The following NEK1 variants were observed in gnomAD, a reference collection of about 807,000 sequenced individuals.
NEK1 encodes NIMA related kinase 1.
A neutral mutation model predicts 182.1 loss-of-function variants in NEK1; 137 were observed. That is an observed-to-expected ratio of 0.75 (90% CI 0.65 to 0.87). The LOEUF is 0.87. NEK1 is among the 40% of genes least tolerant of loss of function. The pLI, the probability that NEK1 is intolerant of heterozygous loss-of-function variation, is 0.00. For missense variants in NEK1, 1,391 were observed against 1,494.4 expected (o/e 0.93, Z 1.14); for synonymous variants, 513 against 492.2 (o/e 1.04, Z -0.56).
intron 31 of NEK1, among the ~76,000 whole-genome samples, chr4:169,420,462 G>A (rs1735299187): frequency 6.6e-6 from 1 of 152,216 alleles, no homozygotes; most frequent in Non-Finnish European, 1.5e-5. Context: ...TATAGGACTA[G>A]CAGTGTGGTA....
intron 18 of NEK1, among the ~76,000 whole-genome samples, chr4:169,550,555 A>C (rs570522310): frequency 6.6e-6 from 1 of 152,294 alleles, no homozygotes; most frequent in South Asian, 2.1e-4. Flanking sequence ...CAAAAATAAT[A>C]ATTCCTGCCT....
chr4:169,583,619 G>A (rs1482565899), intron 10 of NEK1, among the ~76,000 whole-genome samples: 1 of 152,072 alleles, frequency 6.6e-6, no homozygotes, highest in Non-Finnish European at 1.5e-5. Flanking sequence ...CTTCAGCCTT[G>A]AGACAGTATG....
At chr4:169,609,688 A>C (rs966282615) in intron 2 of NEK1, among the ~76,000 whole-genome samples, 3 of 152,202 alleles carry the variant, frequency 2.0e-5, no homozygotes, top group African/African-American at 7.2e-5. Context: ...AACTAGTAAT[A>C]CTGCCTACAA....
chr4:169,528,364 T>C (rs1286541942), intron 19 of NEK1, among the ~76,000 whole-genome samples: 1 of 152,196 alleles, frequency 6.6e-6, no homozygotes, highest in African/African-American at 2.4e-5. Context: ...CCCTAGGAAC[T>C]GAGAGAGACC....
At position 169,479,522 on chromosome 4, in the gene NEK1, C is replaced by T; in HGVS notation, c.2020G>A (p.Gly674Arg). 6.3e-7 allele frequency: 1 copy of T among 1,598,114 alleles called. No individual in the cohort carries two copies. Among genetic ancestry groups the T allele is most frequent in the Non-Finnish European group, 8.5e-7 (1 of 1,175,324 alleles). ...KVWEEHLVAK[G>R]VKSSDVSPPL... ...GGAGAAACATCAGAACTCTTAACTCCTTTAGCCACCAACTATAAAAAAGGA... is the reference window on the plus strand; with the variant it reads ...GGAGAAACATCAGAACTCTTAACTCTTTTAGCCACCAACTATAAAAAAGGA... The change falls in exon 24 of 36, where the codon GGA (glycine) becomes AGA (arginine). Residue 674 changes from glycine to arginine, a missense_variant. Physicochemically the swap from Gly to Arg is moderately radical, Grantham distance 125. This residue lies in a region of NEK1 where 1,216 missense variants were observed against 1,277.6 expected (regional missense o/e 0.95). Coordinates refer to ENST00000507142, the MANE Select transcript of NEK1 (RefSeq NM_001199397.3).
At position 169,424,653 on chromosome 4, in the gene NEK1, A is replaced by G; in HGVS notation, c.3122T>C (p.Phe1041Ser). The part of the protein sequence containing the change: ...QSVQCSPEES[F>S]AFRSHSHLPP... ...TAAATGCGAGTGAGATCGAAATGCA[A>G]AGGATTCTTCTGGTGAACACTGAAC... The change falls in exon 31 of 36, where the codon TTT becomes TCT. Residue 1041 changes from phenylalanine (F) to serine (S), a missense_variant. Transcript: ENST00000507142. 6.2e-7 allele frequency: 1 copy of G among 1,613,776 alleles called. No homozygotes were observed. The highest frequency in any genetic ancestry group is 8.5e-7 in the Non-Finnish European group (1 of 1,179,748).
intron 2 of NEK1, among the ~76,000 whole-genome samples, chr4:169,605,202 A>G (rs763470334): frequency 2.0e-5 from 3 of 152,200 alleles, no homozygotes; most frequent in Admixed American, 2.0e-4. Flanking sequence ...TAAGTTGCCA[A>G]TTCCTTTCTA....
intron 4 of NEK1, 83 bp downstream of exon 4, chr4:169,601,925 G>A (rs565215243): frequency 6.4e-5 from 60 of 943,854 alleles, no homozygotes; most frequent in Non-Finnish European, 9.3e-5. Flanking sequence ...AGCAAAAATG[G>A]TATCTTTTTC....
chr4:169,442,879 C>T (rs1453082331), intron 27 of NEK1, among the ~76,000 whole-genome samples: 1 of 150,686 alleles, frequency 6.6e-6, no homozygotes, highest in East Asian at 2.0e-4. Flanking sequence ...ACAGGAAATT[C>T]TTTAAAAAGT....
intron 19 of NEK1, among the ~76,000 whole-genome samples, chr4:169,532,236 T>A (rs747905935): frequency 6.6e-6 from 1 of 152,224 alleles, no homozygotes; most frequent in African/African-American, 2.4e-5. Context: ...TTTTATTGCA[T>A]TTAAATTATA....
intron 27 of NEK1, among the ~76,000 whole-genome samples, chr4:169,446,435 A>G (rs1440193618): frequency 6.6e-6 from 1 of 152,172 alleles, no homozygotes; most frequent in African/African-American, 2.4e-5. Flanking sequence ...GTAATAGACA[A>G]ATTCCTGCAC....
chr4:169,545,082 T>G (rs1241126281), intron 18 of NEK1, among the ~76,000 whole-genome samples: 1 of 151,540 alleles, frequency 6.6e-6, no homozygotes, highest in East Asian at 1.9e-4. Context: ...CTTTAAGTTT[T>G]AGGGTACATG....
At chr4:169,603,444 C>T (rs1351800999) in intron 2 of NEK1, among the ~76,000 whole-genome samples, 3 of 152,084 alleles carry the variant, frequency 2.0e-5, no homozygotes, top group Non-Finnish European at 4.4e-5. Flanking sequence ...GTTATGTAAA[C>T]TTAGGCAAGT....
At chr4:169,482,701 T>G (rs982280063) in intron 23 of NEK1, among the ~76,000 whole-genome samples, 1 of 151,862 alleles carries the variant, frequency 6.6e-6, no homozygotes. Flanking sequence ...TGGGGTGCAA[T>G]GGCTCAGTGA....
chr4:169,510,241 T>C (rs1375711162), intron 19 of NEK1, among the ~76,000 whole-genome samples: 6 of 152,162 alleles, frequency 3.9e-5, no homozygotes. Flanking sequence ...CTTGCAGCCC[T>C]TTTCTCTTTA....
intron 29 of NEK1, among the ~76,000 whole-genome samples, chr4:169,430,012 C>T (rs1415891309): frequency 1.3e-5 from 2 of 152,098 alleles, no homozygotes; most frequent in South Asian, 2.1e-4. Flanking sequence ...ATTTATTTGT[C>T]CCAAAAGCAG....
chr4:169,598,242 T>C (rs1475048974), intron 5 of NEK1, among the ~76,000 whole-genome samples: 2 of 152,192 alleles, frequency 1.3e-5, no homozygotes, highest in African/African-American at 4.8e-5. Flanking sequence ...TTGGATTCCT[T>C]ATAAATTGAA....
intron 28 of NEK1, among the ~76,000 whole-genome samples, chr4:169,437,301 C>T (rs938379357): frequency 2.0e-5 from 3 of 151,994 alleles, no homozygotes; most frequent in Admixed American, 6.5e-5. Flanking sequence ...CCCATCTGCA[C>T]GGCCTGACTT....
intron 31 of NEK1, among the ~76,000 whole-genome samples, chr4:169,423,812 T>A (rs866591387): frequency 6.6e-6 from 1 of 152,196 alleles, no homozygotes; most frequent in South Asian, 2.1e-4. Flanking sequence ...AAGATTATGA[T>A]AAGCAGCTCA....
Sources: gnomAD v4.1 joint callset for allele counts (sites outside exome capture counted in the v4.1 genomes callset) on GRCh38, gnomAD v4.1.1 for gene constraint, gnomAD v4.1.1 regional missense constraint, MANE v1.5 for transcripts, NCBI Gene and HGNC (gene_info 2026-07-23, HGNC 2026-07-21) for gene names.